Variants in ZMAT4 observed in about 807,000 individuals in gnomAD.
The protein encoded by ZMAT4 is zinc finger matrin-type 4, also known as zinc finger matrin-type protein 4.
ZMAT4 carries 17 observed loss-of-function variants against 28.7 expected under a neutral mutation model. The ratio of observed to expected loss-of-function variants is 0.59; its 90% CI spans 0.41 to 0.89. The LOEUF (loss-of-function observed/expected upper bound fraction) is 0.89, where lower values mean the gene tolerates loss of function less well. Among genes scored for constraint, ZMAT4 ranks in the 40% least tolerant of loss-of-function variants. ZMAT4 has a pLI of 0.00. For synonymous variants in ZMAT4, 117 were observed against 109.2 expected (o/e 1.07, Z -0.44); for missense variants, 240 against 283.8 (o/e 0.85, Z 1.11).
At chr8:40,826,969 G>T (rs1179384639) in intron 1 of ZMAT4, among the ~76,000 whole-genome samples, 2 of 152,142 alleles carry the variant, frequency 1.3e-5, no homozygotes, top group African/African-American at 4.8e-5. Flanking sequence ...ATGGCAGACA[G>T]CATGCTGTAT....
chr8:40,876,536 G>A (rs1246401350), intron 1 of ZMAT4, among the ~76,000 whole-genome samples: 1 of 151,882 alleles, frequency 6.6e-6, no homozygotes, highest in Non-Finnish European at 1.5e-5. Context: ...GACTGGTCTC[G>A]AGCTCCTGGG....
At chr8:40,878,330 G>T (rs1215059908) in intron 1 of ZMAT4, among the ~76,000 whole-genome samples, 2 of 152,098 alleles carry the variant, frequency 1.3e-5, no homozygotes, top group Non-Finnish European at 2.9e-5. Context: ...ATGGTGTTAA[G>T]AATGAATTAA....
At chr8:40,622,100 A>G (rs1231270812) in intron 5 of ZMAT4, among the ~76,000 whole-genome samples, 3 of 152,256 alleles carry the variant, frequency 2.0e-5, no homozygotes, top group Non-Finnish European at 2.9e-5. Flanking sequence ...TTCCCAATAC[A>G]TGAAAGCACA....
intron 1 of ZMAT4, among the ~76,000 whole-genome samples, chr8:40,891,662 G>A (rs1818692844): frequency 6.6e-6 from 1 of 152,042 alleles, no homozygotes; most frequent in Non-Finnish European, 1.5e-5. Context: ...GTTCCTGCAG[G>A]AGAAAAAACC....
chr8:40,695,441 G>A (rs1809837110), intron 4 of ZMAT4, among the ~76,000 whole-genome samples: 1 of 152,204 alleles, frequency 6.6e-6, no homozygotes, highest in Non-Finnish European at 1.5e-5. Flanking sequence ...TGGGTGTGAA[G>A]GGGGAGCTGG....
At chr8:40,779,862 G>C (rs1456255998) in intron 2 of ZMAT4, among the ~76,000 whole-genome samples, 1 of 152,150 alleles carries the variant, frequency 6.6e-6, no homozygotes, top group African/African-American at 2.4e-5. Flanking sequence ...CAAAATCAGG[G>C]AGAAATAGTC....
chr8:40,548,617 T>C lies in ZMAT4; in HGVS notation c.675-16379A>G, dbSNP rs186017908. Among the ~76,000 whole-genome samples the C allele has an allele frequency of 1.9e-3, 285 of 152,302 alleles. 3 individuals carry two copies. Among genetic ancestry groups the C allele is most frequent in the African/African-American group, 6.4e-3 (267 of 41,574 alleles). The stretch of plus-strand genomic sequence containing the variant: ...GCATGGCTGAGTCAAGAAAGTCAGA[T>C]AATGTCTCACCATCGCTCATAAGAG... On this transcript the variant is annotated intron_variant, in intron 6 of 6. Transcript: ENST00000297737.
At chr8:40,536,691 G>C (rs1802857771) in intron 6 of ZMAT4, among the ~76,000 whole-genome samples, 1 of 151,848 alleles carries the variant, frequency 6.6e-6, no homozygotes, top group South Asian at 2.1e-4. Flanking sequence ...TATCCCCCTT[G>C]GTGGAAACCT....
intron 5 of ZMAT4, among the ~76,000 whole-genome samples, chr8:40,646,040 A>G (rs1298029610): frequency 2.6e-5 from 4 of 152,012 alleles, no homozygotes; most frequent in Non-Finnish European, 4.4e-5. Context: ...ATTATAAACT[A>G]CTAATATATA....
intron 5 of ZMAT4, among the ~76,000 whole-genome samples, chr8:40,645,170 T>C (rs772665265): frequency 7.9e-5 from 12 of 152,152 alleles, no homozygotes; most frequent in Admixed American, 2.6e-4. Context: ...ATGTGAGATG[T>C]TAATAACAGG....
chr8:40,851,688 T>C (rs565543121), intron 1 of ZMAT4, among the ~76,000 whole-genome samples: 3 of 152,334 alleles, frequency 2.0e-5, no homozygotes, highest in African/African-American at 4.8e-5. Flanking sequence ...ATCAGGGTAA[T>C]TACCATACAT....
chr8:40,604,347 G>A (rs1805507039), intron 5 of ZMAT4, among the ~76,000 whole-genome samples: 1 of 152,138 alleles, frequency 6.6e-6, no homozygotes, highest in South Asian at 2.1e-4. Flanking sequence ...TATAATGTTG[G>A]CTGTGGGTTT....
At chr8:40,808,730 T>C (rs1815195046) in intron 2 of ZMAT4, among the ~76,000 whole-genome samples, 1 of 148,952 alleles carries the variant, frequency 6.7e-6, no homozygotes, top group South Asian at 2.1e-4. Context: ...AAAAAAGAAA[T>C]GTGAAGAAGG....
chr8:40,577,659 A>G (rs1804312702), intron 6 of ZMAT4, among the ~76,000 whole-genome samples: 1 of 152,160 alleles, frequency 6.6e-6, no homozygotes, highest in South Asian at 2.1e-4. Flanking sequence ...AATGTTCTCA[A>G]TATAAAGAAA....
At chr8:40,692,397 C>A (rs1173209654) in intron 4 of ZMAT4, among the ~76,000 whole-genome samples, 1 of 152,174 alleles carries the variant, frequency 6.6e-6, no homozygotes, top group Non-Finnish European at 1.5e-5. Flanking sequence ...TAGATGTGTT[C>A]ATAAAAGCTT....
At chr8:40,709,899 G>A (rs1196990730) in intron 3 of ZMAT4, among the ~76,000 whole-genome samples, 3 of 152,046 alleles carry the variant, frequency 2.0e-5, no homozygotes, top group African/African-American at 7.2e-5. Flanking sequence ...TTAGCCGGGT[G>A]TGGTGGTGCT....
intron 6 of ZMAT4, among the ~76,000 whole-genome samples, chr8:40,548,753 G>A (rs187800733): frequency 9.7e-4 from 148 of 152,178 alleles, no homozygotes; most frequent in Non-Finnish European, 1.0e-4. Context: ...ATAAAAGAGA[G>A]AAAGACAAAG....
rs1818931779 is a variant in ZMAT4, at chr8:40,897,806, T to TCGG, written c.-131_-129dup. The TCGG allele has an allele frequency of 6.6e-6, 1 of 152,248 alleles. No homozygotes were observed. The highest frequency in any genetic ancestry group is 2.4e-5 in the African/African-American group (1 of 41,468). The allele number at this position is 152,248 out of a possible 1,614,324, so 9.4% of individuals were successfully genotyped here. A position where few individuals can be genotyped will look rare whatever the true frequency, so the allele number is the denominator to read the frequency against. ...GTTCCTGTCTCTGCGACCAGACCTT[T>TCGG]CGGCAGCTCGGACCAACTGTGCTAG... On this transcript the variant is annotated 5_prime_UTR_variant, in exon 1 of 7. Transcript: ENST00000297737.
At position 40,612,640 on chromosome 8, in the gene ZMAT4, C is replaced by T. The variant is rs186461486; in HGVS notation, c.578-31379G>A. Among the ~76,000 whole-genome samples, 317 of 136,762 alleles carry T rather than the reference C, an allele frequency of 2.3e-3. 27 individuals are homozygous for T. Among genetic ancestry groups the T allele is most frequent in the African/African-American group, 7.4e-3 (295 of 40,052 alleles). The allele number at this position is 136,762 out of a possible 152,430, so 89.7% of individuals were successfully genotyped here. ...CTAAGTTCCAGACTCATATATCCAA[C>T]GAATACCTGATATCTTCACCTGAGT... On this transcript the variant is annotated intron_variant, in intron 5 of 6. Transcript: ENST00000297737.
Sources: gnomAD v4.1 joint callset for allele counts (sites outside exome capture counted in the v4.1 genomes callset) on GRCh38, gnomAD v4.1.1 for gene constraint, MANE v1.5 for transcripts, NCBI Gene and HGNC (gene_info 2026-07-23, HGNC 2026-07-21) for gene names.